Variants in TSFM observed in about 807,000 individuals in gnomAD.
The protein encoded by TSFM is elongation factor Ts, mitochondrial.
Under a neutral mutation model 33.4 loss-of-function variants are expected in TSFM, and 29 were observed. The observed-to-expected ratio is 0.87, with a 90% confidence interval of 0.65 to 1.18. TSFM has a LOEUF of 1.18. Among genes scored for constraint, TSFM ranks in the 50% most tolerant of loss-of-function variants. The pLI, the probability that TSFM is intolerant of heterozygous loss-of-function variation, is 0.00. For missense variants in TSFM, 394 were observed against 395.6 expected, an observed-to-expected ratio of 1.00 and a Z score of 0.04; for synonymous variants, 178 against 163.5, an observed-to-expected ratio of 1.09 and a Z score of -0.68.
chr12:57,801,785 T>C (rs528109623), downstream of TSFM, among the ~76,000 whole-genome samples: 2 of 152,112 alleles, frequency 1.3e-5, no homozygotes, highest in South Asian at 4.1e-4. Context: ...GAAACCTGGC[T>C]TTCTGTTGAT....
intron 2 of TSFM, chr12:57,783,765 T>C (rs1032642244): frequency 3.4e-6 from 2 of 580,758 alleles, no homozygotes; most frequent in Non-Finnish European, 6.0e-6. Flanking sequence ...GGCTATTTTA[T>C]TTTTTATTTT....
downstream of TSFM, chr12:57,797,752 A>C (rs907142238): frequency 9.2e-6 from 7 of 757,538 alleles, no homozygotes; most frequent in African/African-American, 1.3e-4. Flanking sequence ...ACATGCCGTG[A>C]TTTGCAGACT....
downstream of TSFM, chr12:57,799,957 T>C: frequency 6.2e-7 from 1 of 1,611,606 alleles, no homozygotes; most frequent in Non-Finnish European, 8.5e-7. Flanking sequence ...GGGAAAAGAC[T>C]CCTCAGTGTC....
downstream of TSFM, chr12:57,799,727 TGCTGA>T: frequency 9.4e-6 from 15 of 1,603,598 alleles, no homozygotes; most frequent in Non-Finnish European, 1.3e-5. Context: ...CTAGGCCATT[TGCTGA>T]GCTGAGTTTT....
chr12:57,786,160 C>T lies in TSFM; in HGVS notation c.232-3C>T, dbSNP rs761922961. On this transcript the variant is annotated splice_region_variant and splice_polypyrimidine_tract_variant and intron_variant, in intron 2 of 5. Coordinates refer to ENST00000652027, the MANE Select transcript of TSFM (RefSeq NM_005726.6). ...GTCTGCTCTTTTTCCTCTCAATTTA[C>T]AGGCAGAGATCTGGCTCCACAAGGA... 8 of 1,600,232 alleles carry T rather than the reference C, an allele frequency of 5.0e-6. No individual in the cohort carries two copies. The highest frequency in any genetic ancestry group is 2.2e-5 in the East Asian group (1 of 44,606).
chr12:57,795,678 G>A (rs1475953883), intron 5 of TSFM, among the ~76,000 whole-genome samples: 9 of 151,872 alleles, frequency 5.9e-5, no homozygotes, highest in Admixed American at 4.6e-4. Context: ...GCAATGGTAC[G>A]ATCTCGGCTC....
At chr12:57,783,005 C>A (rs949644607) in intron 1 of TSFM, 105 bp from the exon 2 acceptor site, 181 of 1,488,664 alleles carry the variant, frequency 1.2e-4, no homozygotes, top group Middle Eastern at 3.5e-4. Flanking sequence ...GGTGCACCCC[C>A]CTTTGCACAC....
At chr12:57,784,227 A>G in intron 2 of TSFM, 1 of 675,732 alleles carries the variant, frequency 1.5e-6, no homozygotes, top group South Asian at 1.6e-5. Context: ...TAAAAGATAA[A>G]AAACGATACA....
intron 4 of TSFM, among the ~76,000 whole-genome samples, chr12:57,788,365 C>T (rs992735419): frequency 6.6e-6 from 1 of 151,662 alleles, no homozygotes; most frequent in Non-Finnish European, 1.5e-5. Context: ...CTGCAACCTC[C>T]ACCTCCTGGG....
At chr12:57,794,334 C>A (rs1955702415) in intron 5 of TSFM, among the ~76,000 whole-genome samples, 1 of 152,170 alleles carries the variant, frequency 6.6e-6, no homozygotes, top group South Asian at 2.1e-4. Context: ...CTTATACAGA[C>A]CCTTTTGTTT....
chr12:57,782,824 G>T lies in TSFM; in HGVS notation c.23G>T (p.Arg8Leu), dbSNP rs763668656. 6.3e-7 allele frequency: 1 copy of T among 1,595,628 alleles called. No homozygotes were observed. Among genetic ancestry groups the T allele is most frequent in the South Asian group, 1.1e-5 (1 of 87,982 alleles). MSLLRSLRVFLVARTGSY... is the reference protein window; with the variant it reads MSLLRSLLVFLVARTGSY... ...GAGATGTCGCTGCTGCGGTCGCTGC[G>T]CGTGTTTCTGGTCGCGCGGACCGGG... The change falls in exon 1 of 6, where the codon CGC becomes CTC. Residue 8 changes from arginine (R) to leucine (L), a missense_variant. Around this residue, in one of 3 missense-constraint regions of TSFM, gnomAD observed 208 missense variants for 180.4 expected, o/e 1.15. Transcript: ENST00000652027.
At chr12:57,802,246 C>T (rs748418298), downstream of TSFM, 34 of 1,613,920 alleles carry the variant, frequency 2.1e-5, no homozygotes, top group Admixed American at 3.3e-5. Context: ...ATTGGTGTGT[C>T]GGGATCTCGG....
downstream of TSFM, among the ~76,000 whole-genome samples, chr12:57,798,585 T>A (rs1955782564): frequency 6.6e-6 from 1 of 151,924 alleles, no homozygotes; most frequent in African/African-American, 2.4e-5. Context: ...TAAATCAACT[T>A]CTTCAAGGGG....
rs758314098 is a variant in TSFM at position 57,796,845 on chromosome 12, T to A, written c.*262T>A. 274 of 1,114,204 alleles carry A rather than the reference T, an allele frequency of 2.5e-4. No individual in the cohort carries two copies. Among genetic ancestry groups the A allele is most frequent in the Non-Finnish European group, 2.9e-4 (267 of 915,322 alleles). The allele number at this position is 1,114,204 out of a possible 1,614,324, so 69.0% of individuals were successfully genotyped here. A position where few individuals can be genotyped will look rare whatever the true frequency, so the allele number is the denominator to read the frequency against. On this transcript the variant is annotated 3_prime_UTR_variant, in exon 6 of 6. Transcript: ENST00000652027. ...AACAATACTGCTGCTCCCTTCAACA[T>A]AGATTTATTATGGTATTTCTGAAAT...
chr12:57,800,038 A>C (rs1595154560), downstream of TSFM: 1 of 1,328,128 alleles, frequency 7.5e-7, no homozygotes, highest in South Asian at 1.4e-5. Context: ...CTCTGTAATC[A>C]TCTTTGATAA....
At position 57,796,418 on chromosome 12, in the gene TSFM, G is replaced by C; in HGVS notation, c.813G>C (p.Leu271=). The C allele has an allele frequency of 6.2e-7, 1 of 1,602,578 alleles. No homozygotes were observed. The highest frequency in any genetic ancestry group is 1.1e-5 in the South Asian group (1 of 89,334). ...VGMAPLSVGS[L]DDEPGGEAET... is the part of the protein sequence containing the mutation. ...TGGCCCCCCTCTCTGTTGGCTCCCT[G>C]GACGATGAGCCTGGGGGAGAGGCAG... Residue 271 remains leucine (L), a synonymous_variant, in exon 6 of 6, where the codon CTG becomes CTC. Transcript: ENST00000652027.
At chr12:57,798,876 A>G (rs1322489364), downstream of TSFM, among the ~76,000 whole-genome samples, 3 of 151,990 alleles carry the variant, frequency 2.0e-5, no homozygotes, top group African/African-American at 7.2e-5. Context: ...CACCCTCCCA[A>G]AGTGCTGGGA....
At chr12:57,795,769 C>G (rs192984995) in intron 5 of TSFM, among the ~76,000 whole-genome samples, 5 of 152,106 alleles carry the variant, frequency 3.3e-5, no homozygotes, top group African/African-American at 1.2e-4. Context: ...TGCACACCAC[C>G]ACGCCCAGCT....
At position 57,796,463 on chromosome 12, in the gene TSFM, G is replaced by T; in HGVS notation, c.858G>T (p.Gln286His). The change falls in exon 6 of 6, where the codon CAG becomes CAT. Residue 286 changes from glutamine to histidine, a missense_variant. Physicochemically the swap from Gln to His is conservative, Grantham distance 24. Coordinates refer to ENST00000652027, the MANE Select transcript of TSFM (RefSeq NM_005726.6). ...GGEAETKMLSQPYLLDPSITL... is the reference protein window; with the variant it reads ...GGEAETKMLSHPYLLDPSITL... ...AGGCAGAGACTAAGATGCTGTCCCA[G>T]CCGTATTTGCTGGATCCCTCCATTA... 6.3e-7 allele frequency: 1 copy of T among 1,595,776 alleles called. No individual in the cohort carries two copies.
Sources: gnomAD v4.1 joint callset for allele counts (sites outside exome capture counted in the v4.1 genomes callset) on GRCh38, gnomAD v4.1.1 for gene constraint, gnomAD v4.1.1 regional missense constraint, MANE v1.5 for transcripts, NCBI Gene and HGNC (gene_info 2026-07-23, HGNC 2026-07-21) for gene names.